The following CACNA1C variants were observed in gnomAD, a reference collection of about 807,000 sequenced individuals.
The protein encoded by CACNA1C is calcium voltage-gated channel subunit alpha1 C, also known as voltage-dependent L-type calcium channel subunit alpha-1C.
A neutral mutation model predicts 229.0 loss-of-function variants in CACNA1C; 30 were observed. The ratio of observed to expected loss-of-function variants is 0.13; its 90% CI spans 0.10 to 0.18. The LOEUF is 0.18. Among genes scored for constraint, CACNA1C ranks in the 10% least tolerant of loss-of-function variants. CACNA1C has a pLI of 1.00. For missense variants in CACNA1C, 1,658 were observed against 2,845.0 expected (o/e 0.58, Z 9.49); for synonymous variants, 1,114 against 1,132.5 (o/e 0.98, Z 0.33).
chr12:2,130,327 G>A (rs1212428023), intron 3 of CACNA1C, among the ~76,000 whole-genome samples: 1 of 142,444 alleles, frequency 7.0e-6, no homozygotes, highest in Non-Finnish European at 1.5e-5. Flanking sequence ...TTATACTTTA[G>A]GTTTTAGGGT....
intron 1 of CACNA1C, among the ~76,000 whole-genome samples, chr12:2,014,318 G>A (rs2044953979): frequency 6.6e-6 from 1 of 152,052 alleles, no homozygotes; most frequent in East Asian, 1.9e-4. Context: ...AGTCTATAAT[G>A]GGAGAGTTCT....
Position 2,319,199 on chromosome 12 carries a change from C to T in CACNA1C, c.478-129777C>T, listed in dbSNP as rs1456296498. 6.6e-6 allele frequency among the ~76,000 whole-genome samples: 1 copy of T among 152,052 alleles called. No individual in the cohort carries two copies. Among genetic ancestry groups the T allele is most frequent in the African/African-American group, 2.4e-5 (1 of 41,380 alleles). Reference sequence around the variant, plus strand: ...ATATCACTGCACCCTCGTGGGCTCCCCTGCCCTGTCCTGGCAGTGTACATG... The same window carrying T: ...ATATCACTGCACCCTCGTGGGCTCCTCTGCCCTGTCCTGGCAGTGTACATG... On this transcript the variant is annotated intron_variant, in intron 3 of 46. Transcript: ENST00000399655. This position sits in a 1 kb window ranked among gnomAD's most constrained non-coding sequence, Gnocchi z 4.0.
chr12:2,167,016 C>T (rs980609075), intron 3 of CACNA1C, among the ~76,000 whole-genome samples: 2 of 152,244 alleles, frequency 1.3e-5, no homozygotes, highest in Non-Finnish European at 2.9e-5. Context: ...CATGAGTCAA[C>T]AATACTCAAG....
At chr12:2,659,123 A>G (rs527254822) in intron 34 of CACNA1C, among the ~76,000 whole-genome samples, 229 of 152,272 alleles carry the variant, frequency 1.5e-3, no homozygotes, top group Non-Finnish European at 3.5e-4. Context: ...GCGTGCAGTC[A>G]TGTCCTAGGC....
chr12:2,537,788 C>T (rs1430467237), intron 9 of CACNA1C, among the ~76,000 whole-genome samples: 5 of 151,906 alleles, frequency 3.3e-5, no homozygotes, highest in Non-Finnish European at 7.4e-5. Context: ...GTGTTTTCCC[C>T]TTGGAGTGTC....
chr12:2,365,077 T>A (rs1321067356), intron 3 of CACNA1C, among the ~76,000 whole-genome samples: 1 of 152,250 alleles, frequency 6.6e-6, no homozygotes, highest in Non-Finnish European at 1.5e-5. Flanking sequence ...CAGTCTTTCT[T>A]GTCCAGCTTT....
At chr12:2,013,929 C>G (rs976025925) in intron 1 of CACNA1C, among the ~76,000 whole-genome samples, 5 of 152,154 alleles carry the variant, frequency 3.3e-5, no homozygotes, top group Admixed American at 6.5e-5. Context: ...ACAGAAGGCT[C>G]TGTTTTCTCT....
chr12:2,538,883 C>CT (rs766789772), intron 9 of CACNA1C, among the ~76,000 whole-genome samples: 30 of 152,354 alleles, frequency 2.0e-4, no homozygotes, highest in Non-Finnish European at 3.5e-4. Context: ...TGGGAAGTAA[C>CT]ACAGCCCAGT....
chr12:2,586,590 T>C (rs758002475), intron 18 of CACNA1C, among the ~76,000 whole-genome samples: 27 of 152,350 alleles, frequency 1.8e-4, no homozygotes, highest in Non-Finnish European at 2.6e-4. Context: ...AGTTTCAAGC[T>C]TGAAGTCAAT....
chr12:1,973,838 CT>C (rs984872788), intron 1 of CACNA1C, among the ~76,000 whole-genome samples: 1 of 152,168 alleles, frequency 6.6e-6, no homozygotes, highest in Non-Finnish European at 1.5e-5. Flanking sequence ...TGTTCATAAT[CT>C]TGCTGAAAAA....
chr12:2,511,756 T>C (rs2099784591), intron 8 of CACNA1C, among the ~76,000 whole-genome samples: 1 of 152,158 alleles, frequency 6.6e-6, no homozygotes, highest in African/African-American at 2.4e-5. Flanking sequence ...GCCTCCTCCT[T>C]GCTCAGAAAG....
intron 3 of CACNA1C, among the ~76,000 whole-genome samples, chr12:2,438,088 T>G (rs991685925): frequency 6.7e-6 from 1 of 149,290 alleles, no homozygotes; most frequent in South Asian, 2.1e-4. Context: ...GTGGTAATGG[T>G]GGTGGCAGTG....
rs4765660 is a variant in CACNA1C at position 2,069,194 on chromosome 12, G to T, written c.49+15583G>T. Among the ~76,000 whole-genome samples, 285 of 152,100 alleles carry T rather than the reference G, an allele frequency of 1.9e-3. 1 individual carries two copies. The highest frequency in any genetic ancestry group is 6.0e-3 in the African/African-American group (247 of 41,484). ...GACATCACAGCCTGCAATCCCATGC[G>T]TCCTTGGCCCTCAGACTGGTACAGC... On this transcript the variant is annotated intron_variant, in intron 1 of 46. Transcript: ENST00000399655.
In CACNA1C at chr12:2,310,352, A is replaced by AATATATATATATAT. The variant is rs35448122; in HGVS notation, c.478-138617_478-138604dup. 1.2e-3 allele frequency among the ~76,000 whole-genome samples: 163 copies of AATATATATATATAT among 139,826 alleles called. 1 individual carries two copies. The highest frequency in any genetic ancestry group is 4.1e-3 in the African/African-American group (156 of 37,634). 91.7% of individuals were successfully genotyped at this position (139,826 alleles called of 152,430 possible). A position where few individuals can be genotyped will look rare whatever the true frequency, so the allele number is the denominator to read the frequency against. On this transcript the variant is annotated intron_variant, in intron 3 of 46. Transcript: ENST00000399655. ...CCTCTGCCTCCCAGTTAAAAAAAAA[A>AATATATATATATAT]ATATATATATATATATATATGTATG...
rs1432854022 is a variant in CACNA1C at position 2,679,995 on chromosome 12, A to C, written c.5444+199A>C. Reference sequence around the variant, plus strand: ...GCCCTTGATCAGACCTGGCAGGCTCAGGGCAAGTCAGCAGTGGCCTGCGGC... The same window carrying C: ...GCCCTTGATCAGACCTGGCAGGCTCCGGGCAAGTCAGCAGTGGCCTGCGGC... On this transcript the variant is annotated intron_variant, in intron 42 of 46. Coordinates refer to ENST00000399655, the MANE Select transcript of CACNA1C (RefSeq NM_000719.7). This position sits in a 1 kb window ranked among gnomAD's most constrained non-coding sequence, Gnocchi z 5.5. 6.6e-6 allele frequency among the ~76,000 whole-genome samples: 1 copy of C among 152,216 alleles called. No individual in the cohort carries two copies. Among genetic ancestry groups the C allele is most frequent in the Non-Finnish European group, 1.5e-5 (1 of 68,030 alleles).
chr12:2,485,235 A>T (rs2099693326), intron 5 of CACNA1C, among the ~76,000 whole-genome samples: 2 of 151,856 alleles, frequency 1.3e-5, no homozygotes, highest in African/African-American at 4.8e-5. Context: ...CTGCCTCCAC[A>T]TTCTCACCTG....
At chr12:2,559,329 A>G (rs1402076429) in intron 11 of CACNA1C, among the ~76,000 whole-genome samples, 1 of 152,256 alleles carries the variant, frequency 6.6e-6, no homozygotes, top group Non-Finnish European at 1.5e-5. Context: ...GGAAAATTAC[A>G]TACTTGTGTC....
intron 3 of CACNA1C, 99 bp from the exon 4 acceptor site, chr12:2,448,877 C>A: frequency 1.0e-6 from 1 of 993,986 alleles, no homozygotes. Flanking sequence ...GAGGGGGCAG[C>A]ATTATCTTCC....
At chr12:2,516,964 G>A (rs924305006) in intron 9 of CACNA1C, among the ~76,000 whole-genome samples, 3 of 152,190 alleles carry the variant, frequency 2.0e-5, no homozygotes, top group Non-Finnish European at 2.9e-5. Context: ...CTGAGTCCTA[G>A]CCCTACTGAT....
Sources: gnomAD v4.1 joint callset for allele counts (sites outside exome capture counted in the v4.1 genomes callset) on GRCh38, gnomAD v4.1.1 for gene constraint, Gnocchi (gnomAD v3.1) non-coding constraint, MANE v1.5 for transcripts, NCBI Gene and HGNC (gene_info 2026-07-23, HGNC 2026-07-21) for gene names.